HYCC2: variants seen among roughly 807,000 people sequenced by gnomAD.
HYCC2 encodes the protein hyccin 2.
the HYCC2 span, chr2:200,992,194 C>G: frequency 1.2e-6 from 1 of 851,490 alleles, no homozygotes; most frequent in East Asian, 2.5e-5. Context: ...AAATTTTCCC[C>G]TAATTATTTG....
the HYCC2 span, among the ~76,000 whole-genome samples, chr2:201,019,394 G>A: frequency 7.9e-5 from 12 of 151,976 alleles, no homozygotes; most frequent in Non-Finnish European, 1.3e-4. Flanking sequence ...TTTTGTAAGC[G>A]AATGGGGGGT....
chr2:201,051,212 C>T, the HYCC2 span, among the ~76,000 whole-genome samples: 1 of 151,906 alleles, frequency 6.6e-6, no homozygotes, highest in South Asian at 2.1e-4. Context: ...TATGATATAA[C>T]CTATTGAAAA....
the HYCC2 span, chr2:201,064,084 C>T: frequency 1.3e-6 from 2 of 1,534,666 alleles, no homozygotes; most frequent in South Asian, 1.1e-5. Flanking sequence ...AGAGGAGAGC[C>T]AGAGAAGTGA....
At chr2:201,022,710 ACAG>A in the HYCC2 span, 1 of 576,220 alleles carries the variant, frequency 1.7e-6, no homozygotes, top group Non-Finnish European at 2.9e-6. Context: ...AGAATGAAAA[ACAG>A]CAGAAAGAAA....
the HYCC2 span, among the ~76,000 whole-genome samples, chr2:201,004,852 C>A: frequency 6.6e-6 from 1 of 151,902 alleles, no homozygotes; most frequent in Non-Finnish European, 1.5e-5. Context: ...CCCGTCTCTA[C>A]TAAAAGTACA....
the HYCC2 span, among the ~76,000 whole-genome samples, chr2:201,042,640 G>A: frequency 1.3e-5 from 2 of 150,924 alleles, no homozygotes; most frequent in Admixed American, 1.3e-4. Context: ...CCGCCTGGCA[G>A]CCGCCCCATC....
At chr2:201,016,336 T>C in the HYCC2 span, among the ~76,000 whole-genome samples, 1 of 152,238 alleles carries the variant, frequency 6.6e-6, no homozygotes, top group African/African-American at 2.4e-5. Context: ...TTGCCCAGGC[T>C]TGAGCACAGT....
chr2:201,068,274 T>C, the HYCC2 span, among the ~76,000 whole-genome samples: 1 of 150,542 alleles, frequency 6.6e-6, no homozygotes, highest in Admixed American at 6.6e-5. Context: ...GCAACAAAAG[T>C]GAAACTACGT....
chr2:201,046,939 A>C, the HYCC2 span, among the ~76,000 whole-genome samples: 1 of 152,174 alleles, frequency 6.6e-6, no homozygotes, highest in Non-Finnish European at 1.5e-5. Flanking sequence ...AAAAAAAGTG[A>C]CCAATAATTA....
At chr2:201,016,410 T>C in the HYCC2 span, among the ~76,000 whole-genome samples, 10 of 152,016 alleles carry the variant, frequency 6.6e-5, no homozygotes, top group South Asian at 2.1e-4. Flanking sequence ...CATCTCAGTA[T>C]CCTCAGTAGC....
the HYCC2 span, among the ~76,000 whole-genome samples, chr2:201,018,444 G>A: frequency 2.0e-5 from 3 of 152,012 alleles, no homozygotes; most frequent in Non-Finnish European, 4.4e-5. Flanking sequence ...AAATCTGTTT[G>A]AATATAGTTA....
chr2:201,033,194 T>TGAGAGAGA, the HYCC2 span, among the ~76,000 whole-genome samples: 5 of 125,704 alleles, frequency 4.0e-5, no homozygotes, highest in African/African-American at 1.3e-4. Context: ...TGTGTGTGTG[T>TGAGAGAGA]GTGAGAGAGA....
chr2:201,005,706 G>A, the HYCC2 span, among the ~76,000 whole-genome samples: 1 of 152,154 alleles, frequency 6.6e-6, no homozygotes, highest in Non-Finnish European at 1.5e-5. Flanking sequence ...CAGTTTTGCT[G>A]CCAGAAATAG....
chr2:201,008,934 T>C, the HYCC2 span: 60 of 1,168,032 alleles, frequency 5.1e-5, no homozygotes, highest in Non-Finnish European at 7.6e-5. Context: ...CATGCATACA[T>C]ACATACAAGT....
At chr2:200,994,362 C>A in the HYCC2 span, among the ~76,000 whole-genome samples, 1 of 152,048 alleles carries the variant, frequency 6.6e-6, no homozygotes, top group Admixed American at 6.6e-5. Context: ...CTCAGCCTCC[C>A]GAGTAGCCTC....
chr2:201,070,584 G>A, the HYCC2 span, among the ~76,000 whole-genome samples: 2 of 151,880 alleles, frequency 1.3e-5, no homozygotes, highest in Non-Finnish European at 2.9e-5. Flanking sequence ...CCCGGGAGGC[G>A]AAGGTTGCTG....
the HYCC2 span, among the ~76,000 whole-genome samples, chr2:201,033,674 G>A: frequency 6.6e-6 from 1 of 151,914 alleles, no homozygotes; most frequent in Non-Finnish European, 1.5e-5. Flanking sequence ...AAAGTGCTGG[G>A]ATTACAGGTG....
chr2:200,976,999 G>T, the HYCC2 span: 1 of 152,202 alleles, frequency 6.6e-6, no homozygotes, highest in Admixed American at 6.5e-5. Context: ...ATTTCACAGG[G>T]TTTATTTTAT....
At chr2:200,980,219 C>G in the HYCC2 span, 3 of 152,496 alleles carry the variant, frequency 2.0e-5, no homozygotes, top group African/African-American at 7.2e-5. Flanking sequence ...TAGAAAGCAG[C>G]TGAAAGGGTT....
Sources: allele counts gnomAD v4.1 joint callset (sites outside exome capture counted in the v4.1 genomes callset), GRCh38; gene constraint gnomAD v4.1.1; transcripts MANE v1.5; gene names NCBI Gene and HGNC (gene_info 2026-07-23, HGNC 2026-07-21).